LRRK1: variants seen among roughly 807,000 people sequenced by gnomAD.
LRRK1 encodes leucine rich repeat kinase 1.
In LRRK1, 113 loss-of-function variants were observed where a neutral mutation model predicts 209.1. That is an observed-to-expected ratio of 0.54 (90% CI 0.46 to 0.63). The LOEUF (loss-of-function observed/expected upper bound fraction) is 0.63, where lower values mean the gene tolerates loss of function less well. Among genes scored for constraint, LRRK1 ranks in the 30% least tolerant of loss-of-function variants. The pLI is 0.00. For missense variants in LRRK1, 2,284 were observed against 2,632.2 expected, an observed-to-expected ratio of 0.87 and a Z score of 2.89; for synonymous variants, 1,144 against 1,099.7, an observed-to-expected ratio of 1.04 and a Z score of -0.80.
Position 101,066,101 on chromosome 15 carries a change from CG to C in LRRK1, c.5665del (p.Asp1889ThrfsTer7), listed in dbSNP as rs1567291815. The C allele has an allele frequency of 6.2e-7, 1 of 1,614,132 alleles. No homozygotes were observed. The highest frequency in any genetic ancestry group is 8.5e-7 in the Non-Finnish European group (1 of 1,180,044). The part of the protein sequence containing the change: ...DMLHTPGAAS[D>X]RSEHDLTPMD... ...TGCTACATACGCCCGGTGCTGCCTC[CG>C]ACAGGTCTGAGCATGACCTGACCCC... On this transcript the variant is annotated frameshift_variant, in exon 32 of 34. Transcript: ENST00000388948. LOFTEE classifies it high-confidence loss of function.
chr15:100,975,349 G>C (rs915967731), intron 3 of LRRK1, among the ~76,000 whole-genome samples: 1 of 152,220 alleles, frequency 6.6e-6, no homozygotes, highest in African/African-American at 2.4e-5. Flanking sequence ...ATCATGGAGA[G>C]ACCTGAGAGC....
intron 20 of LRRK1, among the ~76,000 whole-genome samples, chr15:101,034,923 G>T (rs946361282): frequency 6.6e-6 from 1 of 151,824 alleles, no homozygotes; most frequent in East Asian, 1.9e-4. Flanking sequence ...TTGTATTTCG[G>T]TGGTATCAGT....
chr15:101,021,255 C>A (rs767464675), intron 13 of LRRK1, 73 bp downstream of exon 13: 73 of 1,524,904 alleles, frequency 4.8e-5, no homozygotes, highest in African/African-American at 6.9e-5. Context: ...CCTAAACCAA[C>A]TGGGACACAG....
intron 2 of LRRK1, among the ~76,000 whole-genome samples, chr15:100,954,596 CTA>C (rs1181275116): frequency 6.6e-6 from 1 of 151,988 alleles, no homozygotes; most frequent in Non-Finnish European, 1.5e-5. Flanking sequence ...AGATTTTTTC[CTA>C]TGTTTTCTCC....
chr15:100,951,601 C>G (rs191991476), intron 2 of LRRK1, among the ~76,000 whole-genome samples: 1 of 152,164 alleles, frequency 6.6e-6, no homozygotes, highest in East Asian at 1.9e-4. Flanking sequence ...TGGAATATTA[C>G]GCAGCAATAG....
chr15:101,026,901 A>G (rs1033787003), intron 17 of LRRK1, among the ~76,000 whole-genome samples: 1 of 152,094 alleles, frequency 6.6e-6, no homozygotes, highest in African/African-American at 2.4e-5. Context: ...CCCTTGAGAA[A>G]GTCCCATGGG....
intron 2 of LRRK1, among the ~76,000 whole-genome samples, chr15:100,941,434 G>GTGTGTGTCTGTGTCTCTGTGTGTGTC (rs1567191103): frequency 0.029 from 224 of 7,790 alleles, 55 homozygotes; most frequent in African/African-American, 0.063. Flanking sequence ...GTGTCTGTGT[G>GTGTGTGTCTGTGTCTCTGTGTGTGTC]TGTGTGTGTG....
At chr15:100,972,361 AGAGTGTGT>A (rs1400808266) in intron 2 of LRRK1, among the ~76,000 whole-genome samples, 1,425 of 83,890 alleles carry the variant, frequency 0.017, 5 homozygotes, top group African/African-American at 0.072. Flanking sequence ...AGAGAGAGAG[AGAGTGTGT>A]GTGTGTGTGT....
In LRRK1 at chr15:100,931,428, C is replaced by T. The variant is rs570268609; in HGVS notation, c.97+6699C>T. On this transcript the variant is annotated intron_variant, in intron 2 of 33. Transcript: ENST00000388948. ...ATTTAAAGGCAGAGAACATCTTAATCGATTATTTTAAATATGAAGCCATGT... is the reference window on the plus strand; with the variant it reads ...ATTTAAAGGCAGAGAACATCTTAATTGATTATTTTAAATATGAAGCCATGT... 1.2e-4 allele frequency among the ~76,000 whole-genome samples: 19 copies of T among 152,194 alleles called. No individual in the cohort carries two copies. In the East Asian group the frequency reaches 3.3e-3, roughly 26 times the overall value.
At chr15:101,047,654 C>T (rs996942176) in intron 21 of LRRK1, among the ~76,000 whole-genome samples, 1 of 152,216 alleles carries the variant, frequency 6.6e-6, no homozygotes, top group African/African-American at 2.4e-5. Context: ...AGTTTTCATC[C>T]ATCACATTAG....
chr15:100,935,067 TCCTA>T (rs1490915303), intron 2 of LRRK1, among the ~76,000 whole-genome samples: 1 of 152,146 alleles, frequency 6.6e-6, no homozygotes, highest in Non-Finnish European at 1.5e-5. Context: ...CTGGTCTTAG[TCCTA>T]CACTCCAGGC....
chr15:101,046,261 C>G (rs538349266), intron 21 of LRRK1, 109 bp downstream of exon 21: 40 of 1,205,326 alleles, frequency 3.3e-5, no homozygotes, highest in Non-Finnish European at 4.7e-5. Flanking sequence ...GGAGACCCTT[C>G]TCCTAGAGCC....
At chr15:100,938,010 T>C (rs58609255) in intron 2 of LRRK1, among the ~76,000 whole-genome samples, 28,632 of 150,940 alleles carry the variant, frequency 0.19, 5,876 homozygotes, top group African/African-American at 0.52. Context: ...ACCACCATGC[T>C]TGGCTAATTT....
rs143769122 is a variant in LRRK1, at chr15:101,054,092, C to T, written c.4054+672C>T. 6.7e-3 allele frequency among the ~76,000 whole-genome samples: 1,018 copies of T among 152,274 alleles called. 9 individuals are homozygous for T. Among genetic ancestry groups the T allele is most frequent in the African/African-American group, 0.023 (949 of 41,538 alleles). On this transcript the variant is annotated intron_variant, in intron 26 of 33. Transcript: ENST00000388948. ...CTCCTGAACTCAAGCCATCCTCCCACCGCAACTTCCCGAGTAGCTACAAGC... is the reference window on the plus strand; with the variant it reads ...CTCCTGAACTCAAGCCATCCTCCCATCGCAACTTCCCGAGTAGCTACAAGC...
rs183047585 is a variant in LRRK1, at chr15:100,966,147, G to A, written c.98-7657G>A. 3.7e-4 allele frequency among the ~76,000 whole-genome samples: 56 copies of A among 152,258 alleles called. 2 individuals are homozygous for A. In the East Asian group the frequency reaches 0.011, roughly 29 times the overall value. The stretch of plus-strand genomic sequence containing the variant: ...TATAAATGTGTTTCCTACATTTTAA[G>A]TTTAAATCAAAAGTTACCAATTCTC... On this transcript the variant is annotated intron_variant, in intron 2 of 33. Coordinates refer to ENST00000388948, the MANE Select transcript of LRRK1 (RefSeq NM_024652.6).
At chr15:100,953,635 C>G (rs1044497973) in intron 2 of LRRK1, among the ~76,000 whole-genome samples, 10 of 151,838 alleles carry the variant, frequency 6.6e-5, no homozygotes, top group Non-Finnish European at 1.2e-4. Flanking sequence ...TGCTACATAC[C>G]GTTAATATGG....
chr15:101,046,236 T>TG, intron 21 of LRRK1, 84 bp downstream of exon 21: 3 of 1,408,498 alleles, frequency 2.1e-6, no homozygotes, highest in Middle Eastern at 2.0e-4. Flanking sequence ...TGCCCTTTGC[T>TG]GGGGGGCCCT....
chr15:101,020,169 T>G (rs2033711677), intron 12 of LRRK1, among the ~76,000 whole-genome samples: 3 of 152,224 alleles, frequency 2.0e-5, no homozygotes, highest in Non-Finnish European at 4.4e-5. Context: ...TAGTAATTCC[T>G]TTCCCCAGAG....
chr15:101,051,207 C>T (rs1338187255), intron 23 of LRRK1, among the ~76,000 whole-genome samples: 1 of 152,250 alleles, frequency 6.6e-6, no homozygotes, highest in Non-Finnish European at 1.5e-5. Context: ...CTCTGCACCT[C>T]CTCTCAGAGG....
Sources: gnomAD v4.1 joint callset for allele counts (sites outside exome capture counted in the v4.1 genomes callset) on GRCh38, gnomAD v4.1.1 for gene constraint, MANE v1.5 for transcripts, NCBI Gene and HGNC (gene_info 2026-07-23, HGNC 2026-07-21) for gene names.